The following TXNRD1 variants were observed in gnomAD, a reference collection of about 807,000 sequenced individuals.
TXNRD1 encodes the protein thioredoxin reductase 1, cytoplasmic.
In TXNRD1, 57 loss-of-function variants were observed where a neutral mutation model predicts 80.3. The observed-to-expected ratio is 0.71, with a 90% confidence interval of 0.57 to 0.89. TXNRD1 has a LOEUF of 0.89. Ranked by LOEUF, TXNRD1 falls within the 40% of genes least tolerant of loss-of-function variation. TXNRD1 has a pLI of 0.00. For missense variants in TXNRD1, 730 were observed against 803.0 expected, an observed-to-expected ratio of 0.91 and a Z score of 1.10; for synonymous variants, 291 against 285.2, an observed-to-expected ratio of 1.02 and a Z score of -0.20.
intron 16 of TXNRD1, among the ~76,000 whole-genome samples, chr12:104,345,744 T>G (rs2036467762): frequency 6.6e-6 from 1 of 152,236 alleles, no homozygotes; most frequent in Admixed American, 6.5e-5. Flanking sequence ...TGCCAAATAT[T>G]AAAAGTTTTT....
chr12:104,238,806 A>C (rs2032794728), intron 1 of TXNRD1, among the ~76,000 whole-genome samples: 1 of 150,994 alleles, frequency 6.6e-6, no homozygotes, highest in Non-Finnish European at 1.5e-5. Flanking sequence ...TTTGTGGATA[A>C]TTTTTTTTGT....
At chr12:104,246,597 A>C (rs2033002035) in intron 1 of TXNRD1, among the ~76,000 whole-genome samples, 1 of 145,040 alleles carries the variant, frequency 6.9e-6, no homozygotes, top group Non-Finnish European at 1.5e-5. Flanking sequence ...ATCTCGGTTC[A>C]CTGCAACCTC....
In TXNRD1 at chr12:104,215,841, C is replaced by T. The variant is rs1198158650; in HGVS notation, c.39C>T (p.Ala13=). The T allele has an allele frequency of 3.2e-6, 5 of 1,560,914 alleles. No individual in the cohort carries two copies. Among genetic ancestry groups the T allele is most frequent in the Non-Finnish European group, 4.3e-6 (5 of 1,153,814 alleles). ...AGGGCAAGGCAGTGGCGGCGGCCGCCCCAACGGAGCTGCAGACGAAAGGCA... is the reference window on the plus strand; with the variant it reads ...AGGGCAAGGCAGTGGCGGCGGCCGCTCCAACGGAGCTGCAGACGAAAGGCA... ...CAEGKAVAAA[A]PTELQTKGKN... Residue 13 remains alanine (A), a synonymous_variant, in exon 1 of 17, where the codon GCC becomes GCT. Transcript: ENST00000525566.
intron 3 of TXNRD1, among the ~76,000 whole-genome samples, chr12:104,278,501 A>ATTTTT (rs34336501): frequency 9.5e-6 from 1 of 105,134 alleles, no homozygotes; most frequent in African/African-American, 3.9e-5. Flanking sequence ...GCCCAGCCTA[A>ATTTTT]TTTTTTTTTT....
intron 3 of TXNRD1, among the ~76,000 whole-genome samples, chr12:104,275,898 C>T (rs2033748177): frequency 6.6e-6 from 1 of 152,204 alleles, no homozygotes; most frequent in African/African-American, 2.4e-5. Flanking sequence ...TCGTTTTCCA[C>T]AATCACCACA....
At chr12:104,291,087 G>T (rs2135750577) in intron 4 of TXNRD1, 1 of 676,984 alleles carries the variant, frequency 1.5e-6, no homozygotes, top group East Asian at 2.8e-5. Flanking sequence ...GGGACTGCAG[G>T]TCACGACATT....
chr12:104,313,600 A>G (rs933549156), intron 6 of TXNRD1, among the ~76,000 whole-genome samples: 4 of 152,172 alleles, frequency 2.6e-5, no homozygotes, highest in Admixed American at 6.5e-5. Context: ...GGGCTTAATA[A>G]CTGAAAATTT....
intron 10 of TXNRD1, among the ~76,000 whole-genome samples, 156 bp from the exon 11 acceptor site, chr12:104,325,181 C>A (rs10861201): frequency 0.24 from 36,184 of 152,068 alleles, 4,509 homozygotes; most frequent in African/African-American, 0.3. Flanking sequence ...AATCATTTAT[C>A]ATCCTAATAA....
At chr12:104,305,871 T>C (rs1198576856) in intron 4 of TXNRD1, among the ~76,000 whole-genome samples, 1 of 152,192 alleles carries the variant, frequency 6.6e-6, no homozygotes, top group African/African-American at 2.4e-5. Context: ...TGTAACAACT[T>C]TGAATATTTG....
intron 3 of TXNRD1, among the ~76,000 whole-genome samples, chr12:104,269,886 AT>A (rs960629705): frequency 1.3e-5 from 2 of 151,418 alleles, no homozygotes; most frequent in Admixed American, 6.6e-5. Flanking sequence ...CTAATTTTTA[AT>A]TTTTTTTGTA....
At chr12:104,344,588 G>GT (rs1476977598) in intron 16 of TXNRD1, among the ~76,000 whole-genome samples, 3 of 152,138 alleles carry the variant, frequency 2.0e-5, no homozygotes, top group Non-Finnish European at 4.4e-5. Context: ...ATTTCTTTGT[G>GT]TTGAGAACAT....
Position 104,238,096 on chromosome 12 carries a change from G to C in TXNRD1, c.92-13431G>C, listed in dbSNP as rs570282436. ...CACATGACTTTAAGAAATAAAAATA[G>C]TCTCAAGGATTATTGGTAAAATGCA... On this transcript the variant is annotated intron_variant, in intron 1 of 16. Transcript: ENST00000525566. Among the ~76,000 whole-genome samples, 7 of 152,256 alleles carry C rather than the reference G, an allele frequency of 4.6e-5. No homozygotes were observed. In the South Asian group the frequency reaches 1.5e-3, roughly 32 times the overall value.
chr12:104,251,708 G>A (rs1486825995), intron 2 of TXNRD1, 30 bp downstream of exon 2: 2 of 1,597,546 alleles, frequency 1.3e-6, no homozygotes, highest in Admixed American at 1.8e-5. Flanking sequence ...GGGTTTAAAT[G>A]GAATTGAAGG....
intron 15 of TXNRD1, among the ~76,000 whole-genome samples, chr12:104,337,783 T>G (rs1329741770): frequency 6.6e-6 from 1 of 151,718 alleles, no homozygotes; most frequent in Non-Finnish European, 1.5e-5. Flanking sequence ...CTTTTAAAAT[T>G]TTATTTGTAT....
intron 3 of TXNRD1, among the ~76,000 whole-genome samples, chr12:104,272,665 G>A (rs377735830): frequency 5.3e-5 from 8 of 151,906 alleles, no homozygotes; most frequent in East Asian, 1.9e-4. Context: ...GGTGGCGGGC[G>A]CCTGTAGTCC....
intron 16 of TXNRD1, among the ~76,000 whole-genome samples, chr12:104,347,574 C>T (rs1255438228): frequency 6.6e-6 from 1 of 152,154 alleles, no homozygotes; most frequent in Non-Finnish European, 1.5e-5. Context: ...TGCCCTCTGA[C>T]TCAGCAGTTG....
intron 1 of TXNRD1, among the ~76,000 whole-genome samples, chr12:104,242,213 A>G (rs2032887135): frequency 6.7e-6 from 1 of 149,930 alleles, no homozygotes; most frequent in South Asian, 2.2e-4. Context: ...TCCTGGGATT[A>G]CAGGCATGAG....
chr12:104,313,374 T>C (rs1325207738), intron 6 of TXNRD1, 57 bp downstream of exon 6: 15 of 1,276,788 alleles, frequency 1.2e-5, no homozygotes, highest in Middle Eastern at 1.9e-4. Flanking sequence ...CCCCTGGCAA[T>C]AATCTAACTG....
intron 3 of TXNRD1, among the ~76,000 whole-genome samples, chr12:104,268,480 G>A (rs151136177): frequency 0.22 from 32,994 of 151,588 alleles, 4,581 homozygotes; most frequent in Non-Finnish European, 0.31. Context: ...AGCTGAGATC[G>A]CGCCACTGCA....
Sources: allele counts gnomAD v4.1 joint callset (sites outside exome capture counted in the v4.1 genomes callset), GRCh38; gene constraint gnomAD v4.1.1; transcripts MANE v1.5; gene names NCBI Gene and HGNC (gene_info 2026-07-23, HGNC 2026-07-21).